The following LPP variants were observed in gnomAD, a reference collection of about 807,000 sequenced individuals.
LPP encodes LIM domain containing preferred translocation partner in lipoma, also known as lipoma-preferred partner.
A neutral mutation model predicts 60.4 loss-of-function variants in LPP; 38 were observed. The observed-to-expected ratio is 0.63, with a 90% CI of 0.49 to 0.83. The LOEUF is 0.83. LPP is among the 40% of genes least tolerant of loss of function. LPP has a pLI of 0.00. For missense variants in LPP, 902 were observed against 783.6 expected (o/e 1.15, Z -1.80); for synonymous variants, 328 against 290.8 (o/e 1.13, Z -1.30).
intron 9 of LPP, among the ~76,000 whole-genome samples, chr3:188,860,688 A>C (rs2151943151): frequency 6.6e-6 from 1 of 152,328 alleles, no homozygotes; most frequent in African/African-American, 2.4e-5. Flanking sequence ...GACTTTATTA[A>C]TTCATTAACT....
chr3:188,839,027 TA>T (rs1759227289), intron 9 of LPP, among the ~76,000 whole-genome samples: 1 of 152,106 alleles, frequency 6.6e-6, no homozygotes, highest in South Asian at 2.1e-4. Flanking sequence ...TAAAATTTTT[TA>T]AAATAAGAAG....
intron 2 of LPP, among the ~76,000 whole-genome samples, chr3:188,305,090 T>G (rs1217462070): frequency 6.6e-6 from 1 of 152,242 alleles, no homozygotes; most frequent in Non-Finnish European, 1.5e-5. Flanking sequence ...TTCTTCTGCA[T>G]TATGGTTATA....
At chr3:188,337,195 A>G (rs1462554782) in intron 2 of LPP, among the ~76,000 whole-genome samples, 1 of 152,136 alleles carries the variant, frequency 6.6e-6, no homozygotes, top group Non-Finnish European at 1.5e-5. Context: ...GCTTAGCCTT[A>G]GTGATGGAGT....
At chr3:188,731,516 T>TTTTTGTTTTGTTTTGTTGTTTTG (rs1553817754) in intron 8 of LPP, among the ~76,000 whole-genome samples, 2 of 145,700 alleles carry the variant, frequency 1.4e-5, no homozygotes, top group African/African-American at 5.1e-5. Context: ...TTTTTTGTTT[T>TTTTTGTTTTGTTTTGTTGTTTTG]TTTTGTTTTG....
chr3:188,488,973 A>G (rs1807494191), intron 5 of LPP, among the ~76,000 whole-genome samples: 1 of 152,032 alleles, frequency 6.6e-6, no homozygotes, highest in Non-Finnish European at 1.5e-5. Flanking sequence ...ACAGTTGGTA[A>G]TTTCTTCCTC....
chr3:188,221,958 T>A (rs1715938379), intron 1 of LPP, among the ~76,000 whole-genome samples: 1 of 152,202 alleles, frequency 6.6e-6, no homozygotes, highest in African/African-American at 2.4e-5. Flanking sequence ...ACGCCTGTGT[T>A]CAAATCCTGG....
At chr3:188,857,134 C>A (rs1225012490) in intron 9 of LPP, among the ~76,000 whole-genome samples, 2 of 152,094 alleles carry the variant, frequency 1.3e-5, no homozygotes, top group Non-Finnish European at 2.9e-5. Context: ...GGCAAATATA[C>A]CACAATAGGC....
chr3:188,302,011 T>TCTCTA (rs1750044826), intron 2 of LPP, among the ~76,000 whole-genome samples: 1 of 151,932 alleles, frequency 6.6e-6, no homozygotes, highest in Non-Finnish European at 1.5e-5. Context: ...GAACATATTG[T>TCTCTA]AACATTCTCA....
At chr3:188,569,811 G>C (rs186489160) in intron 6 of LPP, among the ~76,000 whole-genome samples, 10 of 152,078 alleles carry the variant, frequency 6.6e-5, no homozygotes, top group Admixed American at 1.3e-4. Context: ...TTAGTGAAGA[G>C]GGATATTTGG....
intron 4 of LPP, among the ~76,000 whole-genome samples, chr3:188,411,164 T>C (rs1440578264): frequency 2.0e-5 from 3 of 152,040 alleles, no homozygotes; most frequent in African/African-American, 4.8e-5. Flanking sequence ...ACAATAATCA[T>C]ATGAAAAAAT....
intron 7 of LPP, among the ~76,000 whole-genome samples, chr3:188,687,937 G>T (rs1188494603): frequency 6.6e-6 from 1 of 151,984 alleles, no homozygotes; most frequent in Non-Finnish European, 1.5e-5. Context: ...ACCATGCCTG[G>T]CTAATTTTTT....
chr3:188,181,792 G>C (rs1725085216), intron 1 of LPP, among the ~76,000 whole-genome samples: 1 of 152,200 alleles, frequency 6.6e-6, no homozygotes, highest in Admixed American at 6.5e-5. Flanking sequence ...CATGAGCATA[G>C]CTCACTGCAG....
rs1577998462 is a variant in LPP, at chr3:188,307,850, AATT to A, written c.-66-33812_-66-33810del. 3.9e-5 allele frequency among the ~76,000 whole-genome samples: 6 copies of A among 152,296 alleles called. No individual in the cohort carries two copies. The East Asian group carries it at 1.2e-3, about 29-fold the overall frequency. ...TTATCTCTTAGACATTGTTAGGATA[AATT>A]GTTTCTATACGTATTGAATGGACTG... On this transcript the variant is annotated intron_variant, in intron 2 of 11. Coordinates refer to ENST00000617246, the MANE Select transcript of LPP (RefSeq NM_001375462.1).
chr3:188,654,634 A>C (rs1013075282), intron 7 of LPP, among the ~76,000 whole-genome samples: 7 of 152,204 alleles, frequency 4.6e-5, no homozygotes. Context: ...TTTCTCCAAG[A>C]AACTGCATGC....
At chr3:188,269,229 CTT>C (rs1736751478) in intron 2 of LPP, among the ~76,000 whole-genome samples, 1 of 152,166 alleles carries the variant, frequency 6.6e-6, no homozygotes, top group African/African-American at 2.4e-5. Context: ...CTTCTACTTC[CTT>C]TTTCAATTTT....
intron 2 of LPP, among the ~76,000 whole-genome samples, chr3:188,281,536 G>A (rs894148647): frequency 4.2e-5 from 6 of 143,470 alleles, no homozygotes; most frequent in Non-Finnish European, 4.5e-5. Flanking sequence ...CCCAGGAGGC[G>A]GAGGTTTCAG....
chr3:188,275,745 G>A (rs570535815), intron 2 of LPP, among the ~76,000 whole-genome samples: 7 of 151,908 alleles, frequency 4.6e-5, no homozygotes, highest in Non-Finnish European at 8.8e-5. Flanking sequence ...GCACCATCTC[G>A]GCTCACTGCA....
upstream of LPP, chr3:188,154,015 C>T: frequency 6.5e-6 from 1 of 153,834 alleles, no homozygotes; most frequent in South Asian, 1.8e-4. Context: ...CAGCCGGGCG[C>T]TGCAAGGTAA....
At chr3:188,294,926 T>C (rs1747346105) in intron 2 of LPP, among the ~76,000 whole-genome samples, 1 of 152,252 alleles carries the variant, frequency 6.6e-6, no homozygotes, top group Non-Finnish European at 1.5e-5. Context: ...CTGATGGGTT[T>C]AGAGAACTGT....
Sources: allele counts gnomAD v4.1 joint callset (sites outside exome capture counted in the v4.1 genomes callset), GRCh38; gene constraint gnomAD v4.1.1; transcripts MANE v1.5; gene names NCBI Gene and HGNC (gene_info 2026-07-23, HGNC 2026-07-21).